The following GGACT variants were observed in gnomAD, a reference collection of about 807,000 sequenced individuals.
GGACT encodes the protein gamma-glutamylaminecyclotransferase.
For synonymous variants in GGACT, 118 were observed against 115.3 expected, an observed-to-expected ratio of 1.02 and a Z score of -0.15; for missense variants, 241 against 233.2, an observed-to-expected ratio of 1.03 and a Z score of -0.22.
chr13:100,549,996 C>T (rs2088641924), intron 2 of GGACT, among the ~76,000 whole-genome samples: 2 of 152,108 alleles, frequency 1.3e-5, no homozygotes. Flanking sequence ...ATAATTACCC[C>T]AAGTTAAATT....
chr13:100,545,175 G>A lies in GGACT; in HGVS notation c.-10-12574C>T, dbSNP rs1271402178. Among the ~76,000 whole-genome samples the A allele has an allele frequency of 3.3e-5, 5 of 152,224 alleles. No individual in the cohort carries two copies. The highest frequency in any genetic ancestry group is 7.3e-5 in the Non-Finnish European group (5 of 68,038). ...CTTGCCGGACCTACCTGTGGCTCAC[G>A]GGGGATCAACGCCACCCCCAAGGGA... is the stretch of plus-strand genomic sequence containing the variant. On this transcript the variant is annotated intron_variant, in intron 2 of 2. Coordinates refer to ENST00000683975, the MANE Select transcript of GGACT (RefSeq NM_001195087.2). This position sits in a 1 kb window ranked among gnomAD's most constrained non-coding sequence, Gnocchi z 4.4.
chr13:100,578,785 T>G (rs1020326212), intron 2 of GGACT: 1 of 152,234 alleles, frequency 6.6e-6, no homozygotes, highest in Non-Finnish European at 1.5e-5. Flanking sequence ...ATGATTATTT[T>G]CAATAATGGC....
chr13:100,562,460 A>T (rs780610408), intron 2 of GGACT, among the ~76,000 whole-genome samples: 3 of 152,202 alleles, frequency 2.0e-5, no homozygotes, highest in Non-Finnish European at 4.4e-5. Context: ...ACACTGGGAC[A>T]GACAGCACAG....
intron 2 of GGACT, among the ~76,000 whole-genome samples, chr13:100,533,033 C>G (rs898848304): frequency 3.3e-5 from 5 of 152,334 alleles, no homozygotes; most frequent in African/African-American, 1.2e-4. Flanking sequence ...GACTAATGTT[C>G]CTCAGCCCTG....
At chr13:100,554,767 A>C (rs2088696944) in intron 2 of GGACT, among the ~76,000 whole-genome samples, 1 of 152,198 alleles carries the variant, frequency 6.6e-6, no homozygotes, top group African/African-American at 2.4e-5. Context: ...ATAGTTATTG[A>C]AACTGGGTGA....
At chr13:100,563,296 G>T (rs2088781955) in intron 2 of GGACT, among the ~76,000 whole-genome samples, 2 of 152,170 alleles carry the variant, frequency 1.3e-5, no homozygotes, top group Non-Finnish European at 2.9e-5. Flanking sequence ...CAGGTAGGGG[G>T]ATGGGGGCTG....
intron 2 of GGACT, among the ~76,000 whole-genome samples, chr13:100,583,525 C>T (rs1441367324): frequency 2.0e-5 from 3 of 152,000 alleles, no homozygotes; most frequent in Non-Finnish European, 4.4e-5. Context: ...CCTTTCCCTC[C>T]TCCTTTAATT....
At chr13:100,573,868 G>A (rs1367332544) in intron 2 of GGACT, among the ~76,000 whole-genome samples, 1 of 138,708 alleles carries the variant, frequency 7.2e-6, no homozygotes, top group Non-Finnish European at 1.5e-5. Flanking sequence ...CTGTCAAGAT[G>A]GCATTATCAA....
chr13:100,588,306 G>T (rs530680007), intron 1 of GGACT, among the ~76,000 whole-genome samples: 1 of 152,304 alleles, frequency 6.6e-6, no homozygotes, highest in African/African-American at 2.4e-5. Context: ...TTCTTTTGCA[G>T]CTTCTAGTCT....
intron 2 of GGACT, among the ~76,000 whole-genome samples, chr13:100,560,249 G>A (rs1303988808): frequency 6.6e-6 from 1 of 152,206 alleles, no homozygotes; most frequent in African/African-American, 2.4e-5. Context: ...AACAGTAAGT[G>A]AGTAAATTTT....
chr13:100,541,449 G>C (rs1395911427), intron 2 of GGACT, among the ~76,000 whole-genome samples: 1 of 152,152 alleles, frequency 6.6e-6, no homozygotes, highest in Non-Finnish European at 1.5e-5. Context: ...GACTGTGCAG[G>C]CATGAGCACC....
intron 2 of GGACT, among the ~76,000 whole-genome samples, chr13:100,562,362 C>T (rs182431717): frequency 6.6e-6 from 1 of 152,246 alleles, no homozygotes; most frequent in East Asian, 1.9e-4. Flanking sequence ...TTCTTCAAAC[C>T]TGGCACCAGC....
intron 2 of GGACT, among the ~76,000 whole-genome samples, 166 bp from the exon 3 acceptor site, chr13:100,532,767 A>G (rs1385983618): frequency 2.0e-5 from 3 of 152,266 alleles, no homozygotes; most frequent in Non-Finnish European, 4.4e-5. Flanking sequence ...AGAATGACCT[A>G]CAGTTTTCAC....
intron 2 of GGACT, among the ~76,000 whole-genome samples, chr13:100,550,420 A>G (rs1211815900): frequency 1.6e-4 from 3 of 18,426 alleles, no homozygotes; most frequent in African/African-American, 3.7e-4. Flanking sequence ...TATACTCTAC[A>G]CACACACACA....
chr13:100,576,945 A>G (rs548218942), intron 2 of GGACT, among the ~76,000 whole-genome samples: 2 of 152,360 alleles, frequency 1.3e-5, no homozygotes, highest in South Asian at 2.1e-4. Flanking sequence ...AAAGCATGAG[A>G]GCATGCAACT....
In GGACT at chr13:100,552,455, A is replaced by C. The variant is rs1049967714; in HGVS notation, c.-10-19854T>G. Among the ~76,000 whole-genome samples the C allele has an allele frequency of 2.6e-5, 4 of 152,328 alleles. No homozygotes were observed. In the East Asian group the frequency reaches 7.7e-4, roughly 29 times the overall value. On this transcript the variant is annotated intron_variant, in intron 2 of 2. Coordinates refer to ENST00000683975, the MANE Select transcript of GGACT (RefSeq NM_001195087.2). Reference sequence around the variant, plus strand: ...AGACGGGGAAGTTCTCTGTTGAAGAAGAGACTGAAGCTCTAGCTGGTTCTC... The same window carrying C: ...AGACGGGGAAGTTCTCTGTTGAAGACGAGACTGAAGCTCTAGCTGGTTCTC...
chr13:100,559,791 G>C (rs767759235), intron 2 of GGACT, among the ~76,000 whole-genome samples: 2 of 152,168 alleles, frequency 1.3e-5, no homozygotes, highest in South Asian at 4.1e-4. Context: ...TACCACAGCC[G>C]GCTGATAGGA....
At chr13:100,539,950 C>A in intron 2 of GGACT, 1 of 1,558,028 alleles carries the variant, frequency 6.4e-7, no homozygotes, top group Non-Finnish European at 8.7e-7. Context: ...AGGTCTAAAT[C>A]GAGGTGGGGG....
At chr13:100,563,013 A>T (rs2088779155) in intron 2 of GGACT, among the ~76,000 whole-genome samples, 1 of 151,996 alleles carries the variant, frequency 6.6e-6, no homozygotes, top group Non-Finnish European at 1.5e-5. Flanking sequence ...TACTTATATA[A>T]ATCAAGCCAA....
Sources: gnomAD v4.1 joint callset for allele counts (sites outside exome capture counted in the v4.1 genomes callset) on GRCh38, gnomAD v4.1.1 for gene constraint, Gnocchi (gnomAD v3.1) non-coding constraint, MANE v1.5 for transcripts, NCBI Gene and HGNC (gene_info 2026-07-23, HGNC 2026-07-21) for gene names.